Variants in WRN observed in about 807,000 individuals in gnomAD.
WRN encodes bifunctional 3'-5' exonuclease/ATP-dependent helicase WRN.
WRN carries 149 observed loss-of-function variants against 180.7 expected under a neutral mutation model. That is an observed-to-expected ratio of 0.82 (90% CI 0.72 to 0.94). The LOEUF (loss-of-function observed/expected upper bound fraction) is 0.94. Among genes scored for constraint, WRN ranks in the 40% least tolerant of loss-of-function variants. WRN has a pLI of 0.00. For missense variants in WRN, 1,661 were observed against 1,700.1 expected, an observed-to-expected ratio of 0.98 and a Z score of 0.40; for synonymous variants, 548 against 568.9, an observed-to-expected ratio of 0.96 and a Z score of 0.52.
chr8:31,098,566 T>G (rs558536478), intron 17 of WRN, among the ~76,000 whole-genome samples: 16 of 152,226 alleles, frequency 1.1e-4, no homozygotes, highest in Non-Finnish European at 1.9e-4. Context: ...ATAAAAATTA[T>G]TTTTGAAATA....
At chr8:31,136,558 G>A (rs1248938248) in intron 24 of WRN, among the ~76,000 whole-genome samples, 2 of 152,144 alleles carry the variant, frequency 1.3e-5, no homozygotes, top group African/African-American at 2.4e-5. Flanking sequence ...ATGCCCAATG[G>A]ACATGGTAGC....
At chr8:31,111,570 G>A in intron 18 of WRN, 45 bp from the exon 19 acceptor site, 1 of 1,602,292 alleles carries the variant, frequency 6.2e-7, no homozygotes, top group East Asian at 2.2e-5. Flanking sequence ...TGTTGGGAAT[G>A]AATGAGCTCT....
intron 1 of WRN, among the ~76,000 whole-genome samples, chr8:31,041,738 T>C (rs35529280): frequency 6.6e-6 from 1 of 151,946 alleles, no homozygotes; most frequent in Non-Finnish European, 1.5e-5. Flanking sequence ...GTAAATAGAT[T>C]AGGGAAAAGT....
rs188584885 is a variant in WRN, at chr8:31,110,454, A to T, written c.2089-1161A>T. 2.1e-3 allele frequency among the ~76,000 whole-genome samples: 316 copies of T among 152,256 alleles called. 1 individual carries two copies. Among genetic ancestry groups the T allele is most frequent in the Admixed American group, 4.4e-3 (68 of 15,294 alleles). ...GATTTAATTTTTTTAATTTGAAAAA[A>T]CCTACTCTTAAACTTAATTGATTTT... On this transcript the variant is annotated intron_variant, in intron 18 of 34. Transcript: ENST00000298139.
chr8:31,138,523 T>C (rs1485284478), intron 24 of WRN, among the ~76,000 whole-genome samples: 1 of 152,188 alleles, frequency 6.6e-6, no homozygotes, highest in African/African-American at 2.4e-5. Flanking sequence ...GTAATTCTCA[T>C]GTTGTACATT....
At chr8:31,170,766 T>C (rs546234200) in intron 34 of WRN, among the ~76,000 whole-genome samples, 1 of 152,290 alleles carries the variant, frequency 6.6e-6, no homozygotes, top group South Asian at 2.1e-4. Context: ...GTTGTTTCTA[T>C]TAGGTAACTT....
intron 16 of WRN, among the ~76,000 whole-genome samples, chr8:31,094,905 G>A (rs1489566045): frequency 6.6e-6 from 1 of 152,210 alleles, no homozygotes; most frequent in South Asian, 2.1e-4. Flanking sequence ...TGGCTGTTAT[G>A]AATAATGATG....
chr8:31,163,229 CATATT>C (rs1210249349), intron 33 of WRN, among the ~76,000 whole-genome samples: 6 of 152,184 alleles, frequency 3.9e-5, no homozygotes, highest in Admixed American at 3.9e-4. Flanking sequence ...AGAAAAATTT[CATATT>C]ATATTATTCA....
At position 31,081,213 on chromosome 8, in the gene WRN, G is replaced by C. The variant is rs1206180521; in HGVS notation, c.1186G>C (p.Asp396His). The stretch of plus-strand genomic sequence containing the variant: ...GGAAAGAGCTTGTTTGATGTCGTTA[G>C]ATATTACAGAACATGAACTCCAAAT... ...NMERACLMSL[D>H]ITEHELQILE... Residue 396 changes from aspartate to histidine, a missense_variant, in exon 9 of 35, where the codon GAT (aspartate) becomes CAT (histidine). Physicochemically the swap from Asp to His is moderately conservative, Grantham distance 81 (BLOSUM62 -1). Around this residue, in one of 3 missense-constraint regions of WRN, gnomAD observed 500 missense variants for 504.1 expected, o/e 0.99. Coordinates refer to ENST00000298139, the MANE Select transcript of WRN (RefSeq NM_000553.6). The C allele has an allele frequency of 1.2e-6, 2 of 1,613,474 alleles. No individual in the cohort carries two copies. Among genetic ancestry groups the C allele is most frequent in the Non-Finnish European group, 1.7e-6 (2 of 1,179,712 alleles).
chr8:31,054,463 G>A lies in WRN; in HGVS notation c.-76-3909G>A, dbSNP rs184868858. On this transcript the variant is annotated intron_variant, in intron 1 of 34. Transcript: ENST00000298139. ...AGTCTTGAACTCCTGCCCTCAATCA[G>A]TCCTCCTGCTTCAGCCTCCCAAAGT... 1.4e-4 allele frequency among the ~76,000 whole-genome samples: 22 copies of A among 152,130 alleles called. No homozygotes were observed. In the East Asian group the frequency reaches 4.3e-3, roughly 30 times the overall value.
At position 31,163,275 on chromosome 8, in the gene WRN, C is replaced by T. The variant is rs1803708337; in HGVS notation, c.3983-3747C>T. ...ATATTGACAGCATCTGTTTTATTTG[C>T]CTATGGTAAAGAATTGAAGCACTGT... On this transcript the variant is annotated intron_variant, in intron 33 of 34. Coordinates refer to ENST00000298139, the MANE Select transcript of WRN (RefSeq NM_000553.6). Among the ~76,000 whole-genome samples, 3 of 152,084 alleles carry T rather than the reference C, an allele frequency of 2.0e-5. No homozygotes were observed. The South Asian group carries it at 6.2e-4, about 32-fold the overall frequency.
At chr8:31,100,712 GAT>G in intron 17 of WRN, 135 bp from the exon 18 acceptor site, 1 of 698,270 alleles carries the variant, frequency 1.4e-6, no homozygotes, top group Non-Finnish European at 2.4e-6. Flanking sequence ...GTGTTAATAT[GAT>G]GATATTTATG....
At chr8:31,089,270 A>T (rs935467012) in intron 13 of WRN, among the ~76,000 whole-genome samples, 16 of 152,178 alleles carry the variant, frequency 1.1e-4, no homozygotes, top group African/African-American at 3.8e-4. Context: ...TTTTCATTAA[A>T]CGAGTGTCTA....
intron 19 of WRN, among the ~76,000 whole-genome samples, chr8:31,113,614 T>C (rs1801404363): frequency 6.6e-6 from 1 of 152,158 alleles, no homozygotes; most frequent in Non-Finnish European, 1.5e-5. Context: ...CTTTCCCTTA[T>C]AATAACACTC....
intron 1 of WRN, among the ~76,000 whole-genome samples, chr8:31,057,390 GA>G (rs1812310743): frequency 6.6e-6 from 1 of 151,956 alleles, no homozygotes; most frequent in African/African-American, 2.4e-5. Context: ...CTAACATGGT[GA>G]AACCCCGTCG....
chr8:31,070,444 A>AT (rs59568642), intron 7 of WRN, among the ~76,000 whole-genome samples: 102,457 of 151,816 alleles, frequency 0.67, 35,281 homozygotes, highest in East Asian at 0.86. Context: ...ATGGTAGCTA[A>AT]AAACACCAAA....
At chr8:31,129,590 A>C (rs1484625076) in intron 23 of WRN, among the ~76,000 whole-genome samples, 2 of 145,538 alleles carry the variant, frequency 1.4e-5, no homozygotes. Context: ...ATAACACTTA[A>C]ATAATTCATA....
intron 30 of WRN, among the ~76,000 whole-genome samples, chr8:31,149,489 T>TGGTGATAGAGTCTCACTCTGTCACC (rs1803021737): frequency 1.4e-5 from 1 of 72,210 alleles, no homozygotes; most frequent in Non-Finnish European, 2.8e-5. Context: ...TTTTTTTTTT[T>TGGTGATAGAGTCTCACTCTGTCACC]TTGGTGATAG....
At chr8:31,097,774 G>A (rs1014315592) in intron 17 of WRN, among the ~76,000 whole-genome samples, 8 of 151,950 alleles carry the variant, frequency 5.3e-5, no homozygotes, top group Non-Finnish European at 8.8e-5. Context: ...GCGAGACCAT[G>A]CCTCAAAAAA....
Sources: allele counts gnomAD v4.1 joint callset (sites outside exome capture counted in the v4.1 genomes callset), GRCh38; gene constraint gnomAD v4.1.1; regional missense constraint gnomAD v4.1.1; transcripts MANE v1.5; gene names NCBI Gene and HGNC (gene_info 2026-07-23, HGNC 2026-07-21).